PCM1: variants seen among roughly 807,000 people sequenced by gnomAD.
PCM1 encodes pericentriolar material 1 protein.
PCM1 carries 157 observed loss-of-function variants against 241.9 expected under a neutral mutation model. That is an observed-to-expected ratio of 0.65 (90% CI 0.57 to 0.74). PCM1 has a LOEUF of 0.74. Among genes scored for constraint, PCM1 ranks in the 30% least tolerant of loss-of-function variants. The pLI, the probability that PCM1 is intolerant of heterozygous loss-of-function variation, is 0.00. For synonymous variants in PCM1, 1,085 were observed against 784.9 expected (o/e 1.38, Z -6.39); for missense variants, 3,478 against 2,360.1 (o/e 1.47, Z -9.81).
intron 36 of PCM1, chr8:18,015,571 C>T (rs1564404258): frequency 6.6e-6 from 1 of 152,030 alleles, no homozygotes; most frequent in Admixed American, 6.5e-5. Context: ...TATTTTACTT[C>T]CACATTTTCC....
chr8:17,962,928 T>G (rs551287065), intron 16 of PCM1, 173 bp from the exon 17 acceptor site: 13 of 530,648 alleles, frequency 2.4e-5, no homozygotes, highest in African/African-American at 2.4e-4. Context: ...TTGGCTGATT[T>G]TTTTGTAATC....
Position 18,025,559 on chromosome 8 carries a change from A to C in PCM1, c.5950A>C (p.Lys1984Gln), listed in dbSNP as rs756700686. 1.9e-6 allele frequency: 3 copies of C among 1,579,298 alleles called. No individual in the cohort carries two copies. Among genetic ancestry groups the C allele is most frequent in the Non-Finnish European group, 2.6e-6 (3 of 1,160,758 alleles). ...TIYSEADLRK[K>Q]MVEEEQKNHL... ...CATTCCAAAGGCAGATCTAAGAAAG[A>C]AAATGGTAGAAGAAGAACAGAAAAA... The change falls in exon 38 of 39, where the codon AAA (lysine) becomes CAA (glutamine). Residue 1984 changes from lysine to glutamine, a missense_variant. Coordinates refer to ENST00000325083, the MANE Select transcript of PCM1 (RefSeq NM_006197.4).
At chr8:17,979,016 T>C (rs1320573948) in intron 23 of PCM1, among the ~76,000 whole-genome samples, 1 of 151,786 alleles carries the variant, frequency 6.6e-6, no homozygotes, top group African/African-American at 2.4e-5. Flanking sequence ...CCCAGCACTT[T>C]GGGAGGGCGA....
intron 22 of PCM1, among the ~76,000 whole-genome samples, chr8:17,971,526 G>A (rs904875306): frequency 6.6e-6 from 1 of 152,180 alleles, no homozygotes; most frequent in African/African-American, 2.4e-5. Flanking sequence ...GATAAAATTT[G>A]AGAAATGACA....
At chr8:18,013,833 G>C (rs1564388579) in intron 34 of PCM1, 131 bp from the exon 35 acceptor site, 2 of 626,868 alleles carry the variant, frequency 3.2e-6, no homozygotes, top group South Asian at 4.1e-5. Flanking sequence ...CCTTGAAATA[G>C]TTTTAGAAGA....
intron 8 of PCM1, among the ~76,000 whole-genome samples, 200 bp from the exon 9 acceptor site, chr8:17,952,770 G>A (rs2066573656): frequency 1.3e-5 from 2 of 151,974 alleles, no homozygotes; most frequent in South Asian, 4.1e-4. Context: ...TGGATACTGA[G>A]GGATGACTTC....
At chr8:17,980,419 A>G in intron 23 of PCM1, 172 bp from the exon 24 acceptor site, 2 of 456,146 alleles carry the variant, frequency 4.4e-6, no homozygotes, top group Non-Finnish European at 7.7e-6. Flanking sequence ...ATGCTTCCAA[A>G]GGGTATTGCA....
chr8:17,981,427 A>G (rs1327255909), intron 24 of PCM1, among the ~76,000 whole-genome samples: 3 of 152,106 alleles, frequency 2.0e-5, no homozygotes, highest in Admixed American at 2.0e-4. Flanking sequence ...TGTTGCCTTA[A>G]TCACATTATT....
chr8:17,968,567 G>C (rs1268228331), intron 21 of PCM1, among the ~76,000 whole-genome samples: 1 of 152,000 alleles, frequency 6.6e-6, no homozygotes, highest in Non-Finnish European at 1.5e-5. Flanking sequence ...TGAATCATGA[G>C]GAGGAGTTAA....
chr8:18,014,100 A>T, intron 35 of PCM1, 64 bp downstream of exon 35: 3 of 828,754 alleles, frequency 3.6e-6, no homozygotes, highest in Non-Finnish European at 5.6e-6. Flanking sequence ...AAAGCTAAAA[A>T]AAAAAAAAAA....
chr8:17,955,730 T>A (rs896337910), intron 10 of PCM1, 77 bp downstream of exon 10: 2 of 1,117,180 alleles, frequency 1.8e-6, no homozygotes, highest in African/African-American at 3.1e-5. Context: ...ATGTTGAAAA[T>A]TCTGCAAAAC....
intron 29 of PCM1, among the ~76,000 whole-genome samples, chr8:17,996,929 T>TA (rs1680286256): frequency 6.6e-6 from 1 of 152,278 alleles, no homozygotes; most frequent in African/African-American, 2.4e-5. Context: ...TCTTTCCACT[T>TA]AAGAGTAGTT....
chr8:18,010,135 A>G (rs2092261332), intron 31 of PCM1, among the ~76,000 whole-genome samples: 1 of 152,222 alleles, frequency 6.6e-6, no homozygotes, highest in Non-Finnish European at 1.5e-5. Context: ...CTCCCAGTCA[A>G]CACAAATGCT....
At chr8:17,969,909 G>A (rs998434951) in intron 22 of PCM1, among the ~76,000 whole-genome samples, 161 bp downstream of exon 22, 4 of 152,152 alleles carry the variant, frequency 2.6e-5, no homozygotes, top group African/African-American at 4.8e-5. Context: ...TGAGATGCCA[G>A]ATACTTCCTG....
Position 17,957,248 on chromosome 8 carries a change from G to A in PCM1, c.1647-16G>A. The A allele has an allele frequency of 1.9e-6, 3 of 1,568,876 alleles. No homozygotes were observed. Among genetic ancestry groups the A allele is most frequent in the South Asian group, 2.4e-5 (2 of 83,252 alleles). On this transcript the variant is annotated splice_polypyrimidine_tract_variant and intron_variant, in intron 11 of 38. Coordinates refer to ENST00000325083, the MANE Select transcript of PCM1 (RefSeq NM_006197.4). ...TTTGTGCCTTAAATGACTTCAGGCT[G>A]TTTTCTTTCTTCTAGAAATCCACAA...
rs374857257 is a variant in PCM1 at position 18,011,673 on chromosome 8, C to G, written c.5357C>G (p.Ser1786Cys). 5 of 1,605,572 alleles carry G rather than the reference C, an allele frequency of 3.1e-6. No individual in the cohort carries two copies. Among genetic ancestry groups the G allele is most frequent in the Non-Finnish European group, 4.3e-6 (5 of 1,176,000 alleles). The change falls in exon 34 of 39, where the codon TCT becomes TGT. Residue 1786 changes from serine (S) to cysteine (C), a missense_variant. Transcript: ENST00000325083. The part of the protein sequence containing the change: ...SEGCPVSINL[S>C]KAETQALTNY... ...TGTGTATTAATCAACTTAGATTTGT[C>G]TAAAGCTGAAACTCAGGCTTTAACT...
rs746696802 is a variant in PCM1, at chr8:17,965,987, A to G, written c.2856-12A>G. 4.5e-5 allele frequency: 72 copies of G among 1,595,192 alleles called. No homozygotes were observed. Among genetic ancestry groups the G allele is most frequent in the Non-Finnish European group, 5.6e-5 (65 of 1,168,580 alleles). On this transcript the variant is annotated splice_polypyrimidine_tract_variant and intron_variant, in intron 18 of 38. Coordinates refer to ENST00000325083, the MANE Select transcript of PCM1 (RefSeq NM_006197.4). ...TATGTATGATGACTTAATGCTTTCA[A>G]TCTTGTGTTAGGTGGAAGAACAATT...
In PCM1 at chr8:17,972,591, T is replaced by C. The variant is rs1160901019; in HGVS notation, c.3847T>C (p.Ser1283Pro). The C allele has an allele frequency of 2.5e-6, 4 of 1,612,798 alleles. No homozygotes were observed. The highest frequency in any genetic ancestry group is 3.4e-6 in the Non-Finnish European group (4 of 1,179,506). ...VTKTFKTRKA[S>P]AQASLASKDK... The stretch of plus-strand genomic sequence containing the variant: ...TAAAACATTCAAGACAAGAAAAGCG[T>C]CTGCACAGGCCAGCCTGGCATCTAA... Residue 1283 changes from serine (S) to proline (P), a missense_variant, in exon 23 of 39, where the codon TCT (serine) becomes CCT (proline). By Grantham distance (74) the Ser-to-Pro change is moderately conservative. Transcript: ENST00000325083.
At chr8:17,966,951 T>C in intron 20 of PCM1, 29 bp from the exon 21 acceptor site, 2 of 1,560,396 alleles carry the variant, frequency 1.3e-6, no homozygotes, top group Non-Finnish European at 1.7e-6. Context: ...TATAACTGAT[T>C]CTTAGATTAC....
Sources: allele counts gnomAD v4.1 joint callset (sites outside exome capture counted in the v4.1 genomes callset), GRCh38; gene constraint gnomAD v4.1.1; transcripts MANE v1.5; gene names NCBI Gene and HGNC (gene_info 2026-07-23, HGNC 2026-07-21).